Variants in TMEM50A observed in about 807,000 individuals in gnomAD.
TMEM50A encodes the protein cervical cancer oncogene 9.
A neutral mutation model predicts 23.9 loss-of-function variants in TMEM50A; 8 were observed. The ratio of observed to expected loss-of-function variants is 0.33; its 90% confidence interval spans 0.20 to 0.60. The LOEUF is 0.60. Ranked by LOEUF, TMEM50A falls within the 20% of genes least tolerant of loss-of-function variation. The probability of loss-of-function intolerance (pLI) is 0.81; values close to 1 mark genes in which losing one functional copy is unlikely to be tolerated. For synonymous variants in TMEM50A, 55 were observed against 60.4 expected (o/e 0.91, Z 0.41); for missense variants, 178 against 192.7 (o/e 0.92, Z 0.45).
chr1:25,347,501 G>A (rs1378210651), intron 3 of TMEM50A, among the ~76,000 whole-genome samples: 1 of 152,050 alleles, frequency 6.6e-6, no homozygotes, highest in Non-Finnish European at 1.5e-5. Context: ...GCCTCCCAAA[G>A]TGCTGGGATG....
At chr1:25,349,860 A>AC (rs1400253419) in intron 3 of TMEM50A, among the ~76,000 whole-genome samples, 1 of 152,270 alleles carries the variant, frequency 6.6e-6, no homozygotes, top group Non-Finnish European at 1.5e-5. Flanking sequence ...TGTCCTCATG[A>AC]AGCTTATATT....
intron 6 of TMEM50A, among the ~76,000 whole-genome samples, chr1:25,358,780 T>A (rs1645362972): frequency 6.6e-6 from 1 of 152,250 alleles, no homozygotes; most frequent in African/African-American, 2.4e-5. Flanking sequence ...ATTCTGAAGT[T>A]ACAGCATCTC....
At position 25,345,889 on chromosome 1, in the gene TMEM50A, T is replaced by C. The variant is rs575571783; in HGVS notation, c.206+2816T>C. 7.9e-5 allele frequency among the ~76,000 whole-genome samples: 12 copies of C among 151,708 alleles called. 1 individual carries two copies. In the South Asian group the frequency reaches 2.5e-3, roughly 32 times the overall value. On this transcript the variant is annotated intron_variant, in intron 3 of 6. Transcript: ENST00000374358. ...TGCAACCTCCACCTCCCAGGCTCAA[T>C]TGATTCTCCTGCATCAGCCTCCCCA...
At chr1:25,347,912 AT>A (rs1308879174) in intron 3 of TMEM50A, among the ~76,000 whole-genome samples, 1 of 152,204 alleles carries the variant, frequency 6.6e-6, no homozygotes, top group Non-Finnish European at 1.5e-5. Flanking sequence ...TGACACCTAA[AT>A]TTCAACATTG....
intron 6 of TMEM50A, among the ~76,000 whole-genome samples, chr1:25,357,551 GTGTGTGTGTGT>G (rs1303666175): frequency 6.8e-6 from 1 of 148,084 alleles, no homozygotes; most frequent in African/African-American, 2.6e-5. Flanking sequence ...GTGTGTGTGT[GTGTGTGTGTGT>G]TGTGTGTGTG....
In TMEM50A at chr1:25,344,444, A is replaced by T. The variant is rs115396410; in HGVS notation, c.206+1371A>T. Among the ~76,000 whole-genome samples, 835 of 152,296 alleles carry T rather than the reference A, an allele frequency of 5.5e-3. 10 individuals carry two copies. The highest frequency in any genetic ancestry group is 0.018 in the African/African-American group (736 of 41,556). On this transcript the variant is annotated intron_variant, in intron 3 of 6. Coordinates refer to ENST00000374358, the MANE Select transcript of TMEM50A (RefSeq NM_014313.4). Reference sequence around the variant, plus strand: ...AAATTTATCAATGTATTTTGAAAATATTCTTGTATTCTTACCAGTTTCTCA... The same window carrying T: ...AAATTTATCAATGTATTTTGAAAATTTTCTTGTATTCTTACCAGTTTCTCA...
At chr1:25,357,248 T>A (rs1363222710) in intron 6 of TMEM50A, among the ~76,000 whole-genome samples, 1 of 152,238 alleles carries the variant, frequency 6.6e-6, no homozygotes, top group South Asian at 2.1e-4. Flanking sequence ...GTCCTTGATA[T>A]CGTAGAGTTT....
intron 2 of TMEM50A, among the ~76,000 whole-genome samples, chr1:25,341,955 C>T (rs541913246): frequency 6.6e-6 from 1 of 152,066 alleles, no homozygotes; most frequent in Non-Finnish European, 1.5e-5. Context: ...AAGTGATTCA[C>T]TGGCCTTGGC....
At chr1:25,342,568 G>T (rs959481242) in intron 2 of TMEM50A, 1 of 153,834 alleles carries the variant, frequency 6.5e-6, no homozygotes, top group African/African-American at 2.4e-5. Flanking sequence ...TAATTTGAAT[G>T]CTTTTTTCTT....
intron 4 of TMEM50A, 70 bp downstream of exon 4, chr1:25,351,763 AC>A: frequency 7.6e-7 from 1 of 1,311,106 alleles, no homozygotes; most frequent in South Asian, 1.3e-5. Flanking sequence ...ACATGGAAAT[AC>A]CACTTTTCTA....
At chr1:25,342,836 A>T in intron 2 of TMEM50A, 125 bp from the exon 3 acceptor site, 2 of 639,704 alleles carry the variant, frequency 3.1e-6, no homozygotes, top group Non-Finnish European at 5.2e-6. Context: ...TGCAAATTAC[A>T]TGTGGGAAAA....
intron 6 of TMEM50A, among the ~76,000 whole-genome samples, chr1:25,359,123 TCCCCATAGAGCATGCAGGCAGGCAG>T (rs1023441323): frequency 5.9e-5 from 9 of 151,870 alleles, no homozygotes; most frequent in South Asian, 2.1e-4. Context: ...CAGGCAGGCA[TCCCCATAGAGCATGCAGGCAGGCAG>T]CCCCATAGAG....
intron 3 of TMEM50A, among the ~76,000 whole-genome samples, chr1:25,348,672 A>G (rs955126023): frequency 3.5e-5 from 4 of 113,936 alleles, no homozygotes; most frequent in African/African-American, 1.3e-4. Context: ...CGATAGAGCA[A>G]GACTCCATCT....
intron 5 of TMEM50A, among the ~76,000 whole-genome samples, chr1:25,354,237 G>A (rs769991456): frequency 5.3e-5 from 8 of 152,092 alleles, no homozygotes; most frequent in Non-Finnish European, 1.2e-4. Flanking sequence ...TGATCTGCCT[G>A]CCTCAGCTTC....
chr1:25,344,569 G>A (rs1645194673), intron 3 of TMEM50A, among the ~76,000 whole-genome samples: 1 of 151,320 alleles, frequency 6.6e-6, no homozygotes, highest in Non-Finnish European at 1.5e-5. Context: ...TAATTAAGAC[G>A]AGGTCTCACC....
rs1457109525 is a variant in TMEM50A, at chr1:25,362,352, CTT to C, written c.*1648_*1649del. On this transcript the variant is annotated 3_prime_UTR_variant, in exon 7 of 7. Transcript: ENST00000374358. ...TTATTTTAAACTTATTAAATTGACT[CTT>C]AAACTAAGTTTTTAGTCTTTAATTT... The C allele has an allele frequency of 5.6e-6, 8 of 1,433,756 alleles. 1 individual carries two copies. The African/African-American group carries it at 5.8e-5, about 10-fold the overall frequency. The allele number at this position is 1,433,756 out of a possible 1,614,324, so 88.8% of individuals were successfully genotyped here. A position where few individuals can be genotyped will look rare whatever the true frequency, so the allele number is the denominator to read the frequency against.
intron 3 of TMEM50A, among the ~76,000 whole-genome samples, chr1:25,350,818 G>A (rs1028928713): frequency 3.9e-5 from 6 of 152,236 alleles, no homozygotes; most frequent in African/African-American, 1.2e-4. Flanking sequence ...TGTCAAATAG[G>A]TTGCCAAGTA....
chr1:25,360,210 A>G (rs1211486417), intron 6 of TMEM50A, among the ~76,000 whole-genome samples: 2 of 151,992 alleles, frequency 1.3e-5, no homozygotes, highest in African/African-American at 2.4e-5. Flanking sequence ...TTAGCCGGGT[A>G]TGGTGGCGGG....
At chr1:25,356,904 T>A (rs747171544) in intron 6 of TMEM50A, 51 bp downstream of exon 6, 6 of 1,327,970 alleles carry the variant, frequency 4.5e-6, no homozygotes, top group Non-Finnish European at 6.3e-6. Context: ...TTAAAATAGC[T>A]TCTTTTATAT....
Sources: gnomAD v4.1 joint callset for allele counts (sites outside exome capture counted in the v4.1 genomes callset) on GRCh38, gnomAD v4.1.1 for gene constraint, MANE v1.5 for transcripts, NCBI Gene and HGNC (gene_info 2026-07-23, HGNC 2026-07-21) for gene names.